LRRTM4: variants seen among roughly 807,000 people sequenced by gnomAD.
The protein encoded by LRRTM4 is leucine rich repeat transmembrane neuronal 4, also known as leucine-rich repeat transmembrane neuronal protein 4.
In LRRTM4, 25 loss-of-function variants were observed where a neutral mutation model predicts 47.6. The observed-to-expected ratio is 0.53, with a 90% confidence interval of 0.38 to 0.73. LRRTM4 has a LOEUF of 0.73. Among genes scored for constraint, LRRTM4 ranks in the 30% least tolerant of loss-of-function variants. The probability of loss-of-function intolerance (pLI) is 0.00; values close to 1 mark genes in which losing one functional copy is unlikely to be tolerated. For missense variants in LRRTM4, 638 were observed against 713.4 expected, an observed-to-expected ratio of 0.89 and a Z score of 1.20; for synonymous variants, 311 against 269.5, an observed-to-expected ratio of 1.15 and a Z score of -1.51.
chr2:77,226,835 C>T (rs998865832), intron 3 of LRRTM4, among the ~76,000 whole-genome samples: 7 of 151,824 alleles, frequency 4.6e-5, no homozygotes, highest in Non-Finnish European at 1.0e-4. Flanking sequence ...GGAAAATGTA[C>T]TGATAGTTGA....
rs544096512 is a variant in LRRTM4 at position 76,776,347 on chromosome 2, T to G, written c.1552-27431A>C. Among the ~76,000 whole-genome samples, 305 of 152,270 alleles carry G rather than the reference T, an allele frequency of 2.0e-3. 5 individuals carry two copies. The South Asian group carries it at 0.037, about 19-fold the overall frequency. ...GGAATCGCCACACTGACTTCCACAA[T>G]GGTTGAACTAGTTTACAGTCCCACC... On this transcript the variant is annotated intron_variant, in intron 3 of 3. Transcript: ENST00000409884.
At chr2:77,059,639 C>A (rs1679721492) in intron 3 of LRRTM4, among the ~76,000 whole-genome samples, 1 of 152,228 alleles carries the variant, frequency 6.6e-6, no homozygotes, top group East Asian at 1.9e-4. Flanking sequence ...CAACACTATT[C>A]TGTTATGGGC....
intron 3 of LRRTM4, among the ~76,000 whole-genome samples, chr2:77,089,929 G>A (rs565244595): frequency 3.3e-4 from 49 of 146,832 alleles, no homozygotes; most frequent in East Asian, 1.9e-3. Flanking sequence ...TCTGTGCCCA[G>A]TGCAACTCAT....
intron 3 of LRRTM4, among the ~76,000 whole-genome samples, chr2:77,222,960 A>G (rs1674686566): frequency 6.6e-6 from 1 of 152,214 alleles, no homozygotes; most frequent in Admixed American, 6.5e-5. Context: ...AATCCTCAAT[A>G]AAATACTGGC....
At chr2:76,800,300 A>G (rs1344186410) in intron 3 of LRRTM4, among the ~76,000 whole-genome samples, 62 of 149,444 alleles carry the variant, frequency 4.1e-4, no homozygotes, top group Non-Finnish European at 6.1e-4. Flanking sequence ...ATAGTGCCGC[A>G]TATCTACAAC....
intron 3 of LRRTM4, among the ~76,000 whole-genome samples, chr2:76,872,938 C>T (rs1314798296): frequency 6.6e-6 from 1 of 152,112 alleles, no homozygotes; most frequent in Non-Finnish European, 1.5e-5. Context: ...TCACTGGCTC[C>T]TTTTCACTTT....
At chr2:77,149,822 C>T (rs553963525) in intron 3 of LRRTM4, among the ~76,000 whole-genome samples, 10 of 152,246 alleles carry the variant, frequency 6.6e-5, no homozygotes, top group African/African-American at 2.2e-4. Flanking sequence ...CTCAGACTCC[C>T]AGGTGGCCAC....
rs182134287 is a variant in LRRTM4, at chr2:76,906,461, A to G, written c.1552-157545T>C. ...AACTAACGAGCAAAATAACCAGCTA[A>G]CATCATCAAGACAGGATCAAATTCA... On this transcript the variant is annotated intron_variant, in intron 3 of 3. Transcript: ENST00000409884. 1.3e-3 allele frequency among the ~76,000 whole-genome samples: 197 copies of G among 152,242 alleles called. 4 individuals carry two copies. The highest frequency in any genetic ancestry group is 0.012 in the Admixed American group (178 of 15,292).
chr2:76,955,437 C>A (rs2103897649), intron 3 of LRRTM4, among the ~76,000 whole-genome samples: 1 of 151,308 alleles, frequency 6.6e-6, no homozygotes, highest in Non-Finnish European at 1.5e-5. Flanking sequence ...GTATGGTAAT[C>A]ATAAGAAAAT....
intron 3 of LRRTM4, among the ~76,000 whole-genome samples, chr2:76,835,354 T>A (rs1369548387): frequency 6.6e-6 from 1 of 152,016 alleles, no homozygotes; most frequent in African/African-American, 2.4e-5. Context: ...AAACATCATG[T>A]TTCAGTTTAA....
chr2:77,413,867 C>CAA (rs1674536641), intron 3 of LRRTM4, among the ~76,000 whole-genome samples: 2 of 144,552 alleles, frequency 1.4e-5, no homozygotes, highest in Admixed American at 6.9e-5. Context: ...CACACACACA[C>CAA]AAAACCCCAT....
intron 3 of LRRTM4, among the ~76,000 whole-genome samples, chr2:77,072,808 A>AAAAC (rs1680200946): frequency 6.6e-6 from 1 of 151,278 alleles, no homozygotes; most frequent in Non-Finnish European, 1.5e-5. Flanking sequence ...TCCAAAAAAA[A>AAAAC]AAAAAAAAAA....
In LRRTM4 at chr2:77,000,018, GTTC is replaced by G. The variant is rs199888124; in HGVS notation, c.1552-251105_1552-251103del. On this transcript the variant is annotated intron_variant, in intron 3 of 3. Coordinates refer to ENST00000409884, the MANE Select transcript of LRRTM4 (RefSeq NM_001134745.3). The stretch of plus-strand genomic sequence containing the variant: ...CAGCTAGAAAGCTGTACAATAGACT[GTTC>G]TTCTTTAGACATTACTGAAGGTAGA... Among the ~76,000 whole-genome samples, 900 of 152,178 alleles carry G rather than the reference GTTC, an allele frequency of 5.9e-3. 11 individuals carry two copies. The highest frequency in any genetic ancestry group is 0.021 in the African/African-American group (852 of 41,498).
At chr2:77,002,027 C>T (rs1027106398) in intron 3 of LRRTM4, among the ~76,000 whole-genome samples, 1 of 152,088 alleles carries the variant, frequency 6.6e-6, no homozygotes, top group South Asian at 2.1e-4. Flanking sequence ...GATTGATTTT[C>T]TTCCACACAA....
chr2:77,219,434 G>A (rs1674555163), intron 3 of LRRTM4, among the ~76,000 whole-genome samples: 1 of 152,100 alleles, frequency 6.6e-6, no homozygotes, highest in African/African-American at 2.4e-5. Context: ...AATTTCTAGA[G>A]CACTCCTTCA....
At chr2:77,073,248 T>C (rs931716974) in intron 3 of LRRTM4, among the ~76,000 whole-genome samples, 1 of 152,172 alleles carries the variant, frequency 6.6e-6, no homozygotes, top group African/African-American at 2.4e-5. Flanking sequence ...TATTTTCTTA[T>C]GTCATTAACA....
At chr2:76,786,784 G>A (rs1301518636) in intron 3 of LRRTM4, among the ~76,000 whole-genome samples, 2 of 151,856 alleles carry the variant, frequency 1.3e-5, no homozygotes, top group Non-Finnish European at 2.9e-5. Flanking sequence ...TTTCTTGGTT[G>A]ACAAACCAAA....
chr2:77,006,385 A>G (rs1004230698), intron 3 of LRRTM4, among the ~76,000 whole-genome samples: 2 of 152,198 alleles, frequency 1.3e-5, no homozygotes, highest in Non-Finnish European at 2.9e-5. Context: ...TCCCTGTGCT[A>G]TGGTGGAAAT....
At chr2:77,016,479 G>T (rs1274361345) in intron 3 of LRRTM4, among the ~76,000 whole-genome samples, 10 of 152,008 alleles carry the variant, frequency 6.6e-5, no homozygotes, top group Non-Finnish European at 1.5e-5. Flanking sequence ...AACGGGCCAG[G>T]GTAACTAAGA....
Sources: allele counts gnomAD v4.1 joint callset (sites outside exome capture counted in the v4.1 genomes callset), GRCh38; gene constraint gnomAD v4.1.1; transcripts MANE v1.5; gene names NCBI Gene and HGNC (gene_info 2026-07-23, HGNC 2026-07-21).